Variants in OTOGL observed in about 807,000 individuals in gnomAD.
OTOGL encodes the protein otogelin-like protein.
OTOGL carries 285 observed loss-of-function variants against 318.5 expected under a neutral mutation model. The observed-to-expected ratio is 0.89, with a 90% CI of 0.81 to 0.99. OTOGL has a LOEUF of 0.99. OTOGL is among the 50% of genes least tolerant of loss of function. The pLI, the probability that OTOGL is intolerant of heterozygous loss-of-function variation, is 0.00. For missense variants in OTOGL, 2,899 were observed against 2,845.6 expected (o/e 1.02, Z -0.43); for synonymous variants, 987 against 936.5 (o/e 1.05, Z -0.99).
intron 1 of OTOGL, among the ~76,000 whole-genome samples, chr12:80,159,477 G>A (rs939511589): frequency 1.3e-5 from 2 of 151,654 alleles, no homozygotes; most frequent in Admixed American, 1.3e-4. Context: ...TTTTTTGGTT[G>A]GTCTTTTTTT....
At chr12:80,213,929 G>A (rs764531171) in intron 4 of OTOGL, among the ~76,000 whole-genome samples, 6 of 152,196 alleles carry the variant, frequency 3.9e-5, no homozygotes, top group East Asian at 1.9e-4. Context: ...AGATAAGTGC[G>A]CAAATAAGGA....
chr12:80,188,157 T>C (rs1341299621), intron 1 of OTOGL, among the ~76,000 whole-genome samples: 2 of 152,188 alleles, frequency 1.3e-5, no homozygotes, highest in African/African-American at 4.8e-5. Context: ...TGTCATGCAC[T>C]TGGATAGAGA....
At chr12:80,104,106 C>A (rs1345158792) in intron 1 of OTOGL, among the ~76,000 whole-genome samples, 1 of 152,144 alleles carries the variant, frequency 6.6e-6, no homozygotes, top group East Asian at 1.9e-4. Flanking sequence ...AGGTGTTAAG[C>A]CATGTGCTAG....
chr12:80,165,447 G>A (rs952386661), intron 1 of OTOGL, among the ~76,000 whole-genome samples: 2 of 152,168 alleles, frequency 1.3e-5, no homozygotes, highest in African/African-American at 4.8e-5. Flanking sequence ...AAAGGTTTCT[G>A]CTGTCTGGAA....
intron 1 of OTOGL, among the ~76,000 whole-genome samples, chr12:80,142,476 A>G (rs528047011): frequency 3.9e-5 from 6 of 152,320 alleles, no homozygotes; most frequent in African/African-American, 1.4e-4. Flanking sequence ...GTGCCAAGAT[A>G]TAAACTCCTC....
chr12:80,157,836 T>C (rs1437792270), intron 1 of OTOGL, among the ~76,000 whole-genome samples: 1 of 152,052 alleles, frequency 6.6e-6, no homozygotes, highest in East Asian at 1.9e-4. Flanking sequence ...CTCTGGCTTA[T>C]CTCACTCTTC....
In OTOGL at chr12:80,320,622, T is replaced by A. The variant is rs760265627; in HGVS notation, c.4003T>A (p.Phe1335Ile). ...CAGCAAGAAAGGCTTTTTCATCATA[T>A]TCACAGATTCTAGTGTCAAAGCATC... is the stretch of plus-strand genomic sequence containing the variant. ...LYSKKGFFII[F>I]TDSSVKASKY... is the part of the protein sequence containing the mutation. Residue 1335 changes from phenylalanine to isoleucine, a missense_variant, in exon 34 of 59, where the codon TTC becomes ATC. By Grantham distance (21) the Phe-to-Ile change is conservative (BLOSUM62 0). This residue lies in a region of OTOGL where 2,607 missense variants were observed against 2,524.9 expected (regional missense o/e 1.03). Coordinates refer to ENST00000547103, the MANE Select transcript of OTOGL (RefSeq NM_001378609.3). The A allele has an allele frequency of 6.2e-7, 1 of 1,611,156 alleles. No individual in the cohort carries two copies. Among genetic ancestry groups the A allele is most frequent in the African/African-American group, 1.3e-5 (1 of 74,904 alleles).
intron 1 of OTOGL, among the ~76,000 whole-genome samples, chr12:80,196,075 T>C (rs1249167884): frequency 6.6e-6 from 1 of 152,202 alleles, no homozygotes; most frequent in African/African-American, 2.4e-5. Flanking sequence ...TCAATCTGGC[T>C]CTTTCTCTAC....
chr12:80,373,813 T>A (rs1177601831), intron 57 of OTOGL, among the ~76,000 whole-genome samples: 1 of 152,162 alleles, frequency 6.6e-6, no homozygotes, highest in African/African-American at 2.4e-5. Flanking sequence ...ATGCTAGGAA[T>A]CTACTGCGGG....
In OTOGL at chr12:80,265,171, G is replaced by A. The variant is rs766979240; in HGVS notation, c.2185G>A (p.Gly729Ser). The change falls in exon 20 of 59, where the codon GGT becomes AGT. Residue 729 changes from glycine (G) to serine (S), a missense_variant. Physicochemically the swap from Gly to Ser is moderately conservative, Grantham distance 56. This residue lies in a region of OTOGL where 2,607 missense variants were observed against 2,524.9 expected (regional missense o/e 1.03). Transcript: ENST00000547103. ...AHYAYLCGQHGVPIDFRTQIS... is the reference protein window; with the variant it reads ...AHYAYLCGQHSVPIDFRTQIS... The stretch of plus-strand genomic sequence containing the variant: ...CTATGCCTACCTCTGCGGCCAGCAC[G>A]GTGTTCCCATTGATTTCAGAACTCA... 1.5e-5 allele frequency: 24 copies of A among 1,613,636 alleles called. 1 individual carries two copies. Among genetic ancestry groups the A allele is most frequent in the African/African-American group, 2.7e-5 (2 of 74,910 alleles).
chr12:80,253,699 C>T, intron 14 of OTOGL, 125 bp downstream of exon 14: 1 of 716,858 alleles, frequency 1.4e-6, no homozygotes, highest in Non-Finnish European at 2.3e-6. Flanking sequence ...ACAAAACTTG[C>T]ATTTTATTTA....
chr12:80,233,671 G>C (rs889149833), intron 9 of OTOGL, among the ~76,000 whole-genome samples: 18 of 152,132 alleles, frequency 1.2e-4, no homozygotes, highest in Admixed American at 1.2e-3. Context: ...ATAAGAAATA[G>C]GTTTTGTATC....
chr12:80,363,397 G>A (rs1452415573), intron 52 of OTOGL, among the ~76,000 whole-genome samples: 1 of 152,096 alleles, frequency 6.6e-6, no homozygotes, highest in Non-Finnish European at 1.5e-5. Context: ...ACATTAGAGG[G>A]CAGGAGATCA....
chr12:80,155,821 T>A (rs1384525637), intron 1 of OTOGL, among the ~76,000 whole-genome samples: 2 of 152,168 alleles, frequency 1.3e-5, no homozygotes, highest in Admixed American at 1.3e-4. Flanking sequence ...TCTCCATGAG[T>A]TCAATTGTGT....
At chr12:80,369,015 G>A (rs867207084) in intron 55 of OTOGL, among the ~76,000 whole-genome samples, 2 of 149,308 alleles carry the variant, frequency 1.3e-5, no homozygotes, top group African/African-American at 2.4e-5. Flanking sequence ...TGTCAAGGAG[G>A]AAAAAAATAT....
At chr12:80,350,848 A>T (rs1277031271) in intron 44 of OTOGL, among the ~76,000 whole-genome samples, 12 of 152,170 alleles carry the variant, frequency 7.9e-5, no homozygotes, top group African/African-American at 2.9e-4. Context: ...CTCGCATTCT[A>T]TAGGTCGTCT....
At chr12:80,323,677 G>A in intron 34 of OTOGL, 46 bp from the exon 35 acceptor site, 1 of 1,388,624 alleles carries the variant, frequency 7.2e-7, no homozygotes, top group Non-Finnish European at 1.0e-6. Context: ...TAGTTTTCAA[G>A]CTATGTATTA....
chr12:80,237,865 A>G (rs1042022730), intron 9 of OTOGL, among the ~76,000 whole-genome samples: 2 of 152,182 alleles, frequency 1.3e-5, no homozygotes, highest in Non-Finnish European at 2.9e-5. Context: ...TAGTGGTGCA[A>G]TAGATTGTCA....
chr12:80,146,990 C>T (rs983969932), intron 1 of OTOGL, among the ~76,000 whole-genome samples: 16 of 151,498 alleles, frequency 1.1e-4, no homozygotes, highest in Non-Finnish European at 1.3e-4. Context: ...TTTTGTTGAT[C>T]CTTTCAAAAA....
Sources: allele counts gnomAD v4.1 joint callset (sites outside exome capture counted in the v4.1 genomes callset), GRCh38; gene constraint gnomAD v4.1.1; regional missense constraint gnomAD v4.1.1; transcripts MANE v1.5; gene names NCBI Gene and HGNC (gene_info 2026-07-23, HGNC 2026-07-21).